UTS2B: variants seen among roughly 807,000 people sequenced by gnomAD.
UTS2B encodes the protein urotensin 2B.
In UTS2B, 21 loss-of-function variants were observed where a neutral mutation model predicts 19.2. The observed-to-expected ratio is 1.09, with a 90% CI of 0.78 to 1.58. UTS2B has a LOEUF of 1.58. UTS2B is among the 40% of genes most tolerant of loss of function. The pLI, the probability that UTS2B is intolerant of heterozygous loss-of-function variation, is 0.00. For synonymous variants in UTS2B, 57 were observed against 50.2 expected (o/e 1.14, Z -0.58); for missense variants, 138 against 130.3 (o/e 1.06, Z -0.29).
chr3:191,308,642 G>A (rs893030959), intron 3 of UTS2B, among the ~76,000 whole-genome samples: 3 of 152,096 alleles, frequency 2.0e-5, no homozygotes, highest in African/African-American at 7.2e-5. Context: ...TCCCCCTTCT[G>A]TGATTTCTGA....
chr3:191,344,662 T>C, the UTS2B span, among the ~76,000 whole-genome samples: 2 of 152,180 alleles, frequency 1.3e-5, no homozygotes, highest in Non-Finnish European at 2.9e-5. Context: ...CACTGCAACC[T>C]CTGCCTCCTG....
At chr3:191,277,013 T>C (rs1716256032) in intron 6 of UTS2B, among the ~76,000 whole-genome samples, 169 bp from the exon 7 acceptor site, 1 of 152,214 alleles carries the variant, frequency 6.6e-6, no homozygotes, top group Non-Finnish European at 1.5e-5. Context: ...TCAATGCCCA[T>C]AGTATTGAAA....
chr3:191,309,115 G>A (rs1339425815), intron 3 of UTS2B, among the ~76,000 whole-genome samples: 2 of 152,144 alleles, frequency 1.3e-5, no homozygotes, highest in African/African-American at 4.8e-5. Context: ...CTGAATGGGT[G>A]TCCAGTGTTT....
intron 4 of UTS2B, among the ~76,000 whole-genome samples, chr3:191,302,277 T>C (rs1298702491): frequency 6.6e-6 from 1 of 152,140 alleles, no homozygotes; most frequent in Non-Finnish European, 1.5e-5. Context: ...AGTTACCCTG[T>C]GTAGTCTTAA....
chr3:191,310,083 C>A (rs1271583081), intron 3 of UTS2B, among the ~76,000 whole-genome samples: 2 of 152,100 alleles, frequency 1.3e-5, no homozygotes, highest in East Asian at 1.9e-4. Flanking sequence ...CTGCCTCAGC[C>A]ATCCCAGTAG....
chr3:191,319,606 T>A (rs1350399275), intron 2 of UTS2B, among the ~76,000 whole-genome samples: 1 of 151,780 alleles, frequency 6.6e-6, no homozygotes, highest in Non-Finnish European at 1.5e-5. Flanking sequence ...TTATGTGTAA[T>A]CCTAGCACTT....
the UTS2B span, among the ~76,000 whole-genome samples, chr3:191,341,461 C>T: frequency 6.6e-6 from 1 of 152,144 alleles, no homozygotes; most frequent in Non-Finnish European, 1.5e-5. Flanking sequence ...GATCTGTACT[C>T]AAGATACTCA....
At chr3:191,302,227 AGCATCAT>A (rs1306461372) in intron 4 of UTS2B, among the ~76,000 whole-genome samples, 1 of 152,252 alleles carries the variant, frequency 6.6e-6, no homozygotes, top group Non-Finnish European at 1.5e-5. Flanking sequence ...CACTCCCGCC[AGCATCAT>A]GACAGTTTAC....
At chr3:191,296,238 C>T (rs1488634925) in intron 4 of UTS2B, among the ~76,000 whole-genome samples, 1 of 151,326 alleles carries the variant, frequency 6.6e-6, no homozygotes, top group Non-Finnish European at 1.5e-5. Flanking sequence ...GGGAGGCATA[C>T]TCCCCTTCCC....
At chr3:191,328,447 G>C (rs977918801) in intron 2 of UTS2B, 184 bp downstream of exon 2, 1 of 152,192 alleles carries the variant, frequency 6.6e-6, no homozygotes, top group Non-Finnish European at 1.5e-5. Context: ...TCATCTCCTA[G>C]AGGCAGATCT....
intron 2 of UTS2B, among the ~76,000 whole-genome samples, chr3:191,323,130 T>G (rs1717651865): frequency 8.1e-6 from 1 of 123,880 alleles, no homozygotes; most frequent in South Asian, 2.5e-4. Context: ...TTTTCAGTGC[T>G]GTTATTTTAT....
chr3:191,277,989 T>A, intron 6 of UTS2B, 83 bp downstream of exon 6: 1 of 674,866 alleles, frequency 1.5e-6, no homozygotes, highest in East Asian at 3.1e-5. Flanking sequence ...TTAATATAAA[T>A]TAACATTTAG....
chr3:191,286,865 G>A (rs910589336), intron 4 of UTS2B, among the ~76,000 whole-genome samples: 7 of 151,490 alleles, frequency 4.6e-5, no homozygotes, highest in Admixed American at 1.3e-4. Context: ...TCCACAAAAC[G>A]TTAGCTTGAC....
intron 3 of UTS2B, among the ~76,000 whole-genome samples, chr3:191,314,990 T>C (rs1442291813): frequency 1.3e-5 from 2 of 152,020 alleles, no homozygotes; most frequent in African/African-American, 2.4e-5. Flanking sequence ...AGTGTTTCCC[T>C]GAGTTCTGCG....
the UTS2B span, among the ~76,000 whole-genome samples, chr3:191,336,500 C>T: frequency 6.6e-6 from 1 of 151,984 alleles, no homozygotes; most frequent in Non-Finnish European, 1.5e-5. Flanking sequence ...AATTTTAGCT[C>T]ATTTTAAAAT....
In UTS2B at chr3:191,323,429, A is replaced by G. The variant is rs539635290; in HGVS notation, c.-586+5202T>C. Among the ~76,000 whole-genome samples, 375 of 152,276 alleles carry G rather than the reference A, an allele frequency of 2.5e-3. 1 individual carries two copies. Among genetic ancestry groups the G allele is most frequent in the Non-Finnish European group, 3.6e-3 (245 of 68,018 alleles). ...GGTGGTTCGCCCACCTGGACCTCCC[A>G]AAGTGCTGGGATTAGAGGCATGAGC... On this transcript the variant is annotated intron_variant, in intron 2 of 8. Coordinates refer to ENST00000340524, the MANE Select transcript of UTS2B (RefSeq NM_198152.5).
chr3:191,299,802 C>T (rs534534316), intron 4 of UTS2B, among the ~76,000 whole-genome samples: 31 of 152,340 alleles, frequency 2.0e-4, no homozygotes, highest in African/African-American at 7.2e-4. Flanking sequence ...GGAAGAGCCA[C>T]AAGAAATCAA....
the UTS2B span, among the ~76,000 whole-genome samples, chr3:191,343,182 A>G: frequency 1.3e-5 from 2 of 152,196 alleles, no homozygotes; most frequent in Non-Finnish European, 2.9e-5. Flanking sequence ...GGGTGCTGGA[A>G]CCAGTCCCCC....
intron 2 of UTS2B, among the ~76,000 whole-genome samples, chr3:191,325,294 T>A (rs1717716837): frequency 6.6e-6 from 1 of 151,830 alleles, no homozygotes; most frequent in Non-Finnish European, 1.5e-5. Context: ...TTGAAAATAT[T>A]TAAAAATAGG....
Sources: allele counts gnomAD v4.1 joint callset (sites outside exome capture counted in the v4.1 genomes callset), GRCh38; gene constraint gnomAD v4.1.1; transcripts MANE v1.5; gene names NCBI Gene and HGNC (gene_info 2026-07-23, HGNC 2026-07-21).